The following GRIA4 variants were observed in gnomAD, a reference collection of about 807,000 sequenced individuals.
GRIA4 encodes the protein glutamate receptor 4.
GRIA4 carries 34 observed loss-of-function variants against 104.0 expected under a neutral mutation model. The ratio of observed to expected loss-of-function variants is 0.33; its 90% CI spans 0.25 to 0.44. The LOEUF is 0.44. GRIA4 is among the 20% of genes least tolerant of loss of function. The pLI, the probability that GRIA4 is intolerant of heterozygous loss-of-function variation, is 1.00. For missense variants in GRIA4, 750 were observed against 1,096.5 expected, an observed-to-expected ratio of 0.68 and a Z score of 4.46; for synonymous variants, 386 against 381.9, an observed-to-expected ratio of 1.01 and a Z score of -0.13.
intron 4 of GRIA4, among the ~76,000 whole-genome samples, chr11:105,801,416 AC>A (rs1942715243): frequency 6.6e-6 from 1 of 152,010 alleles, no homozygotes. Flanking sequence ...AGAAAAATGA[AC>A]ATTTTAACAG....
chr11:105,757,961 T>C lies in GRIA4; in HGVS notation c.487+4741T>C, dbSNP rs372135472. ...ATAATAAAATTGTATAAAAATTTTT[T>C]GGCTGGGTCTGGTGGCTTATGCCTG... On this transcript the variant is annotated intron_variant, in intron 4 of 16. Transcript: ENST00000282499. Among the ~76,000 whole-genome samples the C allele has an allele frequency of 2.3e-4, 35 of 152,298 alleles. No individual in the cohort carries two copies. In the South Asian group the frequency reaches 3.5e-3, roughly 15 times the overall value.
At chr11:105,610,870 C>CTTTTTTTTCTTTTTTT (rs1950455711) in intron 1 of GRIA4, 38 bp from the exon 2 acceptor site, 1 of 330,398 alleles carries the variant, frequency 3.0e-6, no homozygotes, top group African/African-American at 2.7e-5. Context: ...TCTTTCTTTT[C>CTTTTTTTTCTTTTTTT]TTTTTTTTTT....
At position 105,693,429 on chromosome 11, in the gene GRIA4, C is replaced by A. The variant is rs541384649; in HGVS notation, c.248-59552C>A. Among the ~76,000 whole-genome samples, 21 of 152,202 alleles carry A rather than the reference C, an allele frequency of 1.4e-4. No homozygotes were observed. The South Asian group carries it at 4.3e-3, about 32-fold the overall frequency. On this transcript the variant is annotated intron_variant, in intron 3 of 16. Transcript: ENST00000282499. ...GTTTCGATTGTGAAAATACAGTAAACCTTCCCAATGATTGATGCAGAGCAA... is the reference window on the plus strand; with the variant it reads ...GTTTCGATTGTGAAAATACAGTAAAACTTCCCAATGATTGATGCAGAGCAA...
At chr11:105,868,260 C>T (rs770290485) in intron 5 of GRIA4, among the ~76,000 whole-genome samples, 2 of 151,936 alleles carry the variant, frequency 1.3e-5, no homozygotes, top group African/African-American at 2.4e-5. Flanking sequence ...GTAAAGGAAA[C>T]GAGATCTGAA....
chr11:105,753,436 C>T (rs568140618), intron 4 of GRIA4, among the ~76,000 whole-genome samples: 1 of 152,254 alleles, frequency 6.6e-6, no homozygotes, highest in African/African-American at 2.4e-5. Context: ...TGCTCTGTAA[C>T]TTCATTGAAA....
intron 3 of GRIA4, among the ~76,000 whole-genome samples, chr11:105,727,809 T>A (rs1938315622): frequency 2.0e-5 from 3 of 152,162 alleles, no homozygotes; most frequent in South Asian, 2.1e-4. Context: ...TAAAATCCTT[T>A]ACAGACAAGC....
intron 3 of GRIA4, among the ~76,000 whole-genome samples, chr11:105,635,359 G>A (rs920975318): frequency 2.0e-5 from 3 of 152,206 alleles, no homozygotes; most frequent in African/African-American, 7.2e-5. Context: ...GTCAGGATTA[G>A]AAGAAGAAAG....
intron 6 of GRIA4, among the ~76,000 whole-genome samples, chr11:105,890,078 T>C (rs927100190): frequency 6.6e-6 from 1 of 152,164 alleles, no homozygotes; most frequent in Non-Finnish European, 1.5e-5. Flanking sequence ...AGTCATAATG[T>C]AGAATATAAA....
rs373667392 is a variant in GRIA4 at position 105,713,247 on chromosome 11, G to C, written c.248-39734G>C. Among the ~76,000 whole-genome samples, 43 of 152,076 alleles carry C rather than the reference G, an allele frequency of 2.8e-4. 1 individual carries two copies. Among genetic ancestry groups the C allele is most frequent in the African/African-American group, 8.7e-4 (36 of 41,504 alleles). On this transcript the variant is annotated intron_variant, in intron 3 of 16. Coordinates refer to ENST00000282499, the MANE Select transcript of GRIA4 (RefSeq NM_000829.4). ...AAAATACAAAAATTAGCTGGGCGTC[G>C]TGGTGCCTGCTTTTAATCCCAGCTA...
At chr11:105,792,300 A>G (rs1942248398) in intron 4 of GRIA4, among the ~76,000 whole-genome samples, 1 of 152,186 alleles carries the variant, frequency 6.6e-6, no homozygotes, top group South Asian at 2.1e-4. Flanking sequence ...ATATTCAGAT[A>G]TAAAAAGTCA....
intron 4 of GRIA4, among the ~76,000 whole-genome samples, chr11:105,804,886 C>T (rs1035150753): frequency 6.6e-6 from 1 of 151,712 alleles, no homozygotes; most frequent in African/African-American, 2.4e-5. Context: ...CAGCAGTTTG[C>T]CTTTTTTCCA....
intron 4 of GRIA4, among the ~76,000 whole-genome samples, chr11:105,844,326 T>C (rs898859907): frequency 6.6e-6 from 1 of 152,226 alleles, no homozygotes; most frequent in Non-Finnish European, 1.5e-5. Flanking sequence ...AGTCCATTAT[T>C]AAATATGCCA....
At chr11:105,726,306 C>T (rs184222029) in intron 3 of GRIA4, among the ~76,000 whole-genome samples, 16 of 152,256 alleles carry the variant, frequency 1.1e-4, no homozygotes, top group Admixed American at 9.2e-4. Flanking sequence ...CCCACCGCAG[C>T]ACCTCAAAGC....
intron 3 of GRIA4, among the ~76,000 whole-genome samples, chr11:105,729,649 G>T (rs917670125): frequency 4.6e-5 from 7 of 152,130 alleles, no homozygotes; most frequent in African/African-American, 1.7e-4. Context: ...ACATTAAAAA[G>T]CTTATCCACC....
At chr11:105,792,189 A>G (rs574505100) in intron 4 of GRIA4, among the ~76,000 whole-genome samples, 1 of 152,330 alleles carries the variant, frequency 6.6e-6, no homozygotes, top group South Asian at 2.1e-4. Flanking sequence ...GTAACATAAA[A>G]GTAAACACCA....
intron 4 of GRIA4, among the ~76,000 whole-genome samples, chr11:105,771,300 C>T (rs1941197552): frequency 6.6e-6 from 1 of 152,030 alleles, no homozygotes; most frequent in Non-Finnish European, 1.5e-5. Flanking sequence ...TTTTTTGAAA[C>T]ATTATGCTCC....
chr11:105,954,294 A>G (rs1260220622), intron 14 of GRIA4, among the ~76,000 whole-genome samples: 1 of 152,232 alleles, frequency 6.6e-6, no homozygotes, highest in Non-Finnish European at 1.5e-5. Context: ...CCTAATTTAT[A>G]TCTCAAATTT....
At chr11:105,820,038 T>C (rs573085292) in intron 4 of GRIA4, among the ~76,000 whole-genome samples, 2 of 152,092 alleles carry the variant, frequency 1.3e-5, no homozygotes, top group African/African-American at 4.8e-5. Flanking sequence ...ATGACAAAGA[T>C]TGCGGGAAAA....
chr11:105,625,382 A>G (rs1950861314), intron 3 of GRIA4, among the ~76,000 whole-genome samples: 1 of 152,120 alleles, frequency 6.6e-6, no homozygotes, highest in Admixed American at 6.6e-5. Context: ...ATTGAATAAC[A>G]CAAAACAAAT....
Sources: allele counts gnomAD v4.1 joint callset (sites outside exome capture counted in the v4.1 genomes callset), GRCh38; gene constraint gnomAD v4.1.1; transcripts MANE v1.5; gene names NCBI Gene and HGNC (gene_info 2026-07-23, HGNC 2026-07-21).